The following TDRD1 variants were observed in gnomAD, a reference collection of about 807,000 sequenced individuals.
TDRD1 encodes tudor domain containing 1.
TDRD1 carries 37 observed loss-of-function variants against 140.6 expected under a neutral mutation model. That is an observed-to-expected ratio of 0.26 (90% CI 0.20 to 0.35). The LOEUF (loss-of-function observed/expected upper bound fraction) is 0.35, where lower values mean the gene tolerates loss of function less well. Ranked by LOEUF, TDRD1 falls within the 10% of genes least tolerant of loss-of-function variation. The probability of loss-of-function intolerance (pLI) is 1.00; values close to 1 mark genes in which losing one functional copy is unlikely to be tolerated. For missense variants in TDRD1, 1,243 were observed against 1,393.0 expected (o/e 0.89, Z 1.71); for synonymous variants, 506 against 475.7 (o/e 1.06, Z -0.83).
chr10:114,226,000 A>T, intron 21 of TDRD1, 49 bp from the exon 22 acceptor site: 1 of 1,481,414 alleles, frequency 6.8e-7, no homozygotes, highest in Non-Finnish European at 9.4e-7. Context: ...TTAAAGTAGG[A>T]GGAATCACTG....
At chr10:114,214,485 A>C (rs1409637640) in intron 16 of TDRD1, among the ~76,000 whole-genome samples, 2 of 152,174 alleles carry the variant, frequency 1.3e-5, no homozygotes, top group Non-Finnish European at 2.9e-5. Context: ...TGATCATACC[A>C]GTGTACTCCA....
At chr10:114,198,872 T>G (rs1417181584) in intron 3 of TDRD1, among the ~76,000 whole-genome samples, 3 of 152,176 alleles carry the variant, frequency 2.0e-5, no homozygotes, top group Non-Finnish European at 4.4e-5. Flanking sequence ...TTTTGGTGTT[T>G]CTGGGTTGCT....
At chr10:114,203,254 T>C in intron 7 of TDRD1, 78 bp downstream of exon 7, 1 of 1,484,216 alleles carries the variant, frequency 6.7e-7, no homozygotes, top group Non-Finnish European at 9.2e-7. Context: ...TTTGAGTTCA[T>C]GCGGTAGCTA....
At chr10:114,199,234 C>T (rs2034567657) in exon 4 of TDRD1, 3 of 1,613,918 alleles carry the variant, frequency 1.9e-6, no homozygotes, top group Admixed American at 3.3e-5. Context: ...GTCGAGAATT[C>T]CTTGTCCATA....
At chr10:114,203,637 G>T in intron 8 of TDRD1, 70 bp downstream of exon 8, 2 of 1,360,174 alleles carry the variant, frequency 1.5e-6, no homozygotes, top group Non-Finnish European at 1.0e-6. Flanking sequence ...GAACACCAGA[G>T]CTTTTAATGA....
At chr10:114,213,410 G>A (rs997180385) in exon 15 of TDRD1, 3 of 1,613,996 alleles carry the variant, frequency 1.9e-6, no homozygotes, top group Middle Eastern at 3.3e-4. Flanking sequence ...AACTTGTACA[G>A]AACAAAATAA....
chr10:114,181,785 C>T (rs2033087772), intron 1 of TDRD1, among the ~76,000 whole-genome samples: 1 of 149,738 alleles, frequency 6.7e-6, no homozygotes, highest in Non-Finnish European at 1.5e-5. Flanking sequence ...GCAGAGGTTG[C>T]AGTGAGCCGG....
intron 24 of TDRD1, 23 bp from the exon 25 acceptor site, chr10:114,228,013 CAT>C: frequency 6.2e-7 from 1 of 1,610,160 alleles, no homozygotes; most frequent in South Asian, 1.1e-5. Context: ...GAAATTAAAT[CAT>C]ATGGTTTCTT....
At chr10:114,223,527 C>A (rs2036266758) in intron 21 of TDRD1, among the ~76,000 whole-genome samples, 1 of 152,224 alleles carries the variant, frequency 6.6e-6, no homozygotes, top group African/African-American at 2.4e-5. Flanking sequence ...TGTTGGGGAG[C>A]ACAAGTTGGG....
chr10:114,204,980 C>G lies in TDRD1; in HGVS notation c.1297+87C>G. 2 of 1,206,864 alleles carry G rather than the reference C, an allele frequency of 1.7e-6. 1 individual carries two copies. Among genetic ancestry groups the G allele is most frequent in the South Asian group, 3.8e-5 (2 of 52,884 alleles). The allele number at this position is 1,206,864 out of a possible 1,614,324, so 74.8% of individuals were successfully genotyped here. A position where few individuals can be genotyped will look rare whatever the true frequency, so the allele number is the denominator to read the frequency against. ...GAAGAAACGGAAACATCAAGTGAGG[C>G]CAGGTAAACTGCCCTCTGGAGTCAT... is the stretch of plus-strand genomic sequence containing the variant. On this transcript the variant is annotated intron_variant, in intron 10 of 25. Transcript: ENST00000251864.
At chr10:114,205,164 C>CT (rs1436965267) in intron 10 of TDRD1, among the ~76,000 whole-genome samples, 1 of 152,198 alleles carries the variant, frequency 6.6e-6, no homozygotes, top group African/African-American at 2.4e-5. Flanking sequence ...ATATTGGCCC[C>CT]TTTATTGAGA....
At chr10:114,229,206 T>C (rs80323379) in intron 25 of TDRD1, among the ~76,000 whole-genome samples, 1,618 of 152,316 alleles carry the variant, frequency 0.011, 20 homozygotes, top group African/African-American at 0.037. Context: ...TTACTTAATA[T>C]GTGCACTTTT....
chr10:114,201,542 T>C (rs747115015), intron 5 of TDRD1, 27 bp downstream of exon 5: 2 of 1,581,254 alleles, frequency 1.3e-6, no homozygotes, highest in South Asian at 2.2e-5. Flanking sequence ...TTTTTATTCA[T>C]TAAGGATTAT....
At chr10:114,179,327 C>T (rs1201489011) in exon 1 of TDRD1, 1 of 152,692 alleles carries the variant, frequency 6.5e-6, no homozygotes, top group Admixed American at 6.5e-5. Flanking sequence ...GGGCGCATCC[C>T]AGGCGGCAGG....
chr10:114,177,989 C>A (rs991858280), upstream of TDRD1, among the ~76,000 whole-genome samples: 2 of 151,844 alleles, frequency 1.3e-5, no homozygotes, highest in African/African-American at 4.8e-5. Context: ...CCTGCCACCA[C>A]ACCCAGCTAA....
intron 3 of TDRD1, among the ~76,000 whole-genome samples, chr10:114,192,291 C>CTT (rs1564936820): frequency 1.9e-5 from 2 of 105,860 alleles, no homozygotes; most frequent in African/African-American, 8.4e-5. Context: ...TGATAGTTTT[C>CTT]CTTTTTTTTT....
At chr10:114,223,562 A>C (rs937577146) in intron 21 of TDRD1, among the ~76,000 whole-genome samples, 5 of 152,192 alleles carry the variant, frequency 3.3e-5, no homozygotes, top group African/African-American at 1.2e-4. Context: ...ATGGTCTTGC[A>C]GATATTGCAC....
At chr10:114,176,568 A>G (rs2032700882), upstream of TDRD1, among the ~76,000 whole-genome samples, 1 of 152,212 alleles carries the variant, frequency 6.6e-6, no homozygotes, top group Admixed American at 6.5e-5. This position sits in a 1 kb window ranked among gnomAD's most constrained non-coding sequence, Gnocchi z 4.2. Context: ...TCTAAAAAGA[A>G]AATTAAAAAA....
At chr10:114,212,202 C>T (rs759098382) in intron 14 of TDRD1, among the ~76,000 whole-genome samples, 166 bp downstream of exon 14, 3 of 152,152 alleles carry the variant, frequency 2.0e-5, no homozygotes, top group Non-Finnish European at 2.9e-5. Context: ...AGATTTCTTT[C>T]CATGTCAATT....
Sources: gnomAD v4.1 joint callset for allele counts (sites outside exome capture counted in the v4.1 genomes callset) on GRCh38, gnomAD v4.1.1 for gene constraint, Gnocchi (gnomAD v3.1) non-coding constraint, MANE v1.5 for transcripts, NCBI Gene and HGNC (gene_info 2026-07-23, HGNC 2026-07-21) for gene names.